The following SMARCAL1 variants were observed in gnomAD, a reference collection of about 807,000 sequenced individuals.
SMARCAL1 encodes the protein SNF2 related chromatin remodeling annealing helicase 1.
In SMARCAL1, 58 loss-of-function variants were observed where a neutral mutation model predicts 94.5. The observed-to-expected ratio is 0.61, with a 90% CI of 0.50 to 0.76. The LOEUF (loss-of-function observed/expected upper bound fraction) is 0.76, where lower values mean the gene tolerates loss of function less well. Among genes scored for constraint, SMARCAL1 ranks in the 30% least tolerant of loss-of-function variants. The pLI, the probability that SMARCAL1 is intolerant of heterozygous loss-of-function variation, is 0.00. For missense variants in SMARCAL1, 1,051 were observed against 1,177.9 expected, an observed-to-expected ratio of 0.89 and a Z score of 1.58; for synonymous variants, 422 against 455.1, an observed-to-expected ratio of 0.93 and a Z score of 0.93.
chr2:216,471,587 CTGGT>C (rs1180845999), intron 14 of SMARCAL1, among the ~76,000 whole-genome samples: 2 of 152,194 alleles, frequency 1.3e-5, no homozygotes, highest in Admixed American at 1.3e-4. Flanking sequence ...CTCTTGGCCT[CTGGT>C]GATCCACCCA....
At chr2:216,464,397 G>A (rs142613854) in intron 12 of SMARCAL1, among the ~76,000 whole-genome samples, 200 bp from the exon 13 acceptor site, 3 of 152,268 alleles carry the variant, frequency 2.0e-5, no homozygotes, top group Admixed American at 6.5e-5. Flanking sequence ...CTCTAATGCC[G>A]TCTCTGAGGA....
At chr2:216,473,108 G>A (rs1695001563) in intron 14 of SMARCAL1, among the ~76,000 whole-genome samples, 1 of 151,982 alleles carries the variant, frequency 6.6e-6, no homozygotes, top group Admixed American at 6.6e-5. Flanking sequence ...TCTGCCACCC[G>A]CTGCCCCCAC....
At position 216,475,574 on chromosome 2, in the gene SMARCAL1, TC is replaced by T; in HGVS notation, c.2427+124del. ...ATCCATTCATTATACTTCCCACAAGTCAGTTTTCACTTCCTTTAAGCACTTC... is the reference window on the plus strand; with the variant it reads ...ATCCATTCATTATACTTCCCACAAGTAGTTTTCACTTCCTTTAAGCACTTC... On this transcript the variant is annotated intron_variant, in intron 15 of 17. Transcript: ENST00000357276. The surrounding 1 kb of genome is among the most constrained non-coding windows in gnomAD (Gnocchi z 4.4). 2 of 1,014,816 alleles carry T rather than the reference TC, an allele frequency of 2.0e-6. No homozygotes were observed. The highest frequency in any genetic ancestry group is 3.8e-5 in the Admixed American group (2 of 52,528). 62.9% of individuals were successfully genotyped at this position (1,014,816 alleles called of 1,614,324 possible).
chr2:216,430,735 A>G (rs943987111), intron 7 of SMARCAL1, among the ~76,000 whole-genome samples: 5 of 152,220 alleles, frequency 3.3e-5, no homozygotes, highest in South Asian at 2.1e-4. Flanking sequence ...GAAATTATAG[A>G]TGGTAAAGCT....
chr2:216,454,455 G>T (rs557498141), intron 12 of SMARCAL1, among the ~76,000 whole-genome samples: 1 of 152,156 alleles, frequency 6.6e-6, no homozygotes, highest in South Asian at 2.1e-4. Flanking sequence ...CCAGATATTT[G>T]AGCCTCAGAG....
At chr2:216,456,829 A>G (rs1026217783) in intron 12 of SMARCAL1, among the ~76,000 whole-genome samples, 3 of 152,238 alleles carry the variant, frequency 2.0e-5, no homozygotes, top group Non-Finnish European at 4.4e-5. Context: ...GACAGGATCA[A>G]ATTCACACAT....
chr2:216,422,554 T>A (rs779023441), intron 5 of SMARCAL1, among the ~76,000 whole-genome samples: 13 of 152,210 alleles, frequency 8.5e-5, no homozygotes, highest in Non-Finnish European at 1.5e-4. Flanking sequence ...TTTTCCTGTT[T>A]GCTGCTGTGC....
At chr2:216,442,143 C>T (rs1455775664) in intron 10 of SMARCAL1, among the ~76,000 whole-genome samples, 1 of 152,082 alleles carries the variant, frequency 6.6e-6, no homozygotes, top group Admixed American at 6.5e-5. Context: ...GGGCCGGGCG[C>T]AGTGGCTCAT....
intron 13 of SMARCAL1, among the ~76,000 whole-genome samples, chr2:216,467,648 A>T (rs1250978987): frequency 6.6e-6 from 1 of 152,070 alleles, no homozygotes; most frequent in African/African-American, 2.4e-5. Flanking sequence ...AAGTGGGAGG[A>T]GCTGGAGATC....
At chr2:216,444,233 G>C (rs1407756376) in intron 10 of SMARCAL1, among the ~76,000 whole-genome samples, 1 of 152,014 alleles carries the variant, frequency 6.6e-6, no homozygotes, top group Non-Finnish European at 1.5e-5. Context: ...TGAATATATG[G>C]TATTGTATAA....
Position 216,414,925 on chromosome 2 carries a change from A to C in SMARCAL1, c.221A>C (p.Gln74Pro). The C allele has an allele frequency of 5.0e-6, 8 of 1,614,222 alleles. No individual in the cohort carries two copies. The highest frequency in any genetic ancestry group is 6.8e-6 in the Non-Finnish European group (8 of 1,180,032). ...PVSHGVIFKQ[Q>P]NLSSSSNADQ... Reference sequence around the variant, plus strand: ...AGCCATGGTGTCATTTTCAAGCAACAGAATCTCAGTAGCTCATCTAATGCT... The same window carrying C: ...AGCCATGGTGTCATTTTCAAGCAACCGAATCTCAGTAGCTCATCTAATGCT... Residue 74 changes from glutamine (Q) to proline (P), a missense_variant, in exon 3 of 18, where the codon CAG (glutamine) becomes CCG (proline). Coordinates refer to ENST00000357276, the MANE Select transcript of SMARCAL1 (RefSeq NM_014140.4).
At chr2:216,446,565 C>G in intron 10 of SMARCAL1, 1 of 403,826 alleles carries the variant, frequency 2.5e-6, no homozygotes, top group Admixed American at 2.7e-5. Context: ...TTCAGACCTG[C>G]CACTGTCTTC....
chr2:216,462,365 A>G (rs1218020521), intron 12 of SMARCAL1, among the ~76,000 whole-genome samples: 2 of 152,192 alleles, frequency 1.3e-5, no homozygotes, highest in Non-Finnish European at 2.9e-5. Context: ...GGAGGCACAC[A>G]TGCTGCGAGT....
chr2:216,480,341 G>T (rs1695169436), intron 17 of SMARCAL1, among the ~76,000 whole-genome samples: 1 of 152,202 alleles, frequency 6.6e-6, no homozygotes, highest in Admixed American at 6.5e-5. Context: ...TTCCTTCTGA[G>T]AGGGGAAATG....
intron 11 of SMARCAL1, 93 bp downstream of exon 11, chr2:216,447,251 C>T (rs1399612122): frequency 1.4e-6 from 2 of 1,439,256 alleles, no homozygotes; most frequent in South Asian, 2.3e-5. Flanking sequence ...ATGATATGGT[C>T]AGAAGAGCAC....
At chr2:216,416,146 G>C in intron 3 of SMARCAL1, 111 bp from the exon 4 acceptor site, 1 of 850,956 alleles carries the variant, frequency 1.2e-6, no homozygotes, top group Non-Finnish European at 2.1e-6. Flanking sequence ...GGGGCTTGCT[G>C]GTCAGCTGTT....
At chr2:216,435,298 G>C in intron 8 of SMARCAL1, 40 bp from the exon 9 acceptor site, 1 of 1,610,900 alleles carries the variant, frequency 6.2e-7, no homozygotes, top group Non-Finnish European at 8.5e-7. Flanking sequence ...CTGCTGTGCT[G>C]GGTGGTCATT....
intron 7 of SMARCAL1, 82 bp from the exon 8 acceptor site, chr2:216,432,636 C>G: frequency 6.4e-7 from 1 of 1,565,558 alleles, no homozygotes; most frequent in South Asian, 1.1e-5. Context: ...GGCCTTCACC[C>G]AGCAGTGCTG....
rs1285261177 is a variant in SMARCAL1, at chr2:216,415,024, C to A, written c.320C>A (p.Ala107Asp). 4 of 1,614,090 alleles carry A rather than the reference C, an allele frequency of 2.5e-6. No homozygotes were observed. The highest frequency in any genetic ancestry group is 3.4e-6 in the Non-Finnish European group (4 of 1,180,038). ...IWKKPEEMPTACPGHSPRSQM... is the reference protein window; with the variant it reads ...IWKKPEEMPTDCPGHSPRSQM... ...AAAAAGCCAGAAGAAATGCCCACAG[C>A]CTGCCCAGGCCACAGTCCACGTAGT... Residue 107 changes from alanine (A) to aspartate (D), a missense_variant, in exon 3 of 18, where the codon GCC becomes GAC. Physicochemically the swap from Ala to Asp is moderately radical, Grantham distance 126. This residue lies in a region of SMARCAL1 where 398 missense variants were observed against 395.2 expected (regional missense o/e 1.01). Transcript: ENST00000357276.
Sources: allele counts gnomAD v4.1 joint callset (sites outside exome capture counted in the v4.1 genomes callset), GRCh38; gene constraint gnomAD v4.1.1; regional missense constraint gnomAD v4.1.1; non-coding constraint Gnocchi (gnomAD v3.1); transcripts MANE v1.5; gene names NCBI Gene and HGNC (gene_info 2026-07-23, HGNC 2026-07-21).